The following CBLC variants were observed in gnomAD, a reference collection of about 807,000 sequenced individuals.
CBLC encodes the protein E3 ubiquitin-protein ligase CBL-C.
CBLC carries 46 observed loss-of-function variants against 58.6 expected under a neutral mutation model. The ratio of observed to expected loss-of-function variants is 0.79; its 90% CI spans 0.62 to 1.00. The LOEUF is 1.00. Ranked by LOEUF, CBLC falls within the 50% of genes least tolerant of loss-of-function variation. CBLC has a pLI of 0.00. For synonymous variants in CBLC, 271 were observed against 264.2 expected (o/e 1.03, Z -0.25); for missense variants, 655 against 625.8 (o/e 1.05, Z -0.50).
intron 4 of CBLC, 101 bp downstream of exon 4, chr19:44,782,592 A>ACCTCTGTTCCCACT: frequency 2.1e-6 from 2 of 965,714 alleles, no homozygotes; most frequent in Non-Finnish European, 3.2e-6. Flanking sequence ...AAGAGTGGGA[A>ACCTCTGTTCCCACT]CAGAGGTACC....
intron 9 of CBLC, among the ~76,000 whole-genome samples, chr19:44,797,467 T>C (rs1599875534): frequency 6.6e-6 from 1 of 151,944 alleles, no homozygotes. Flanking sequence ...GCCAGGCTGG[T>C]CTTGAACTCC....
At chr19:44,796,912 G>C (rs1026722967) in intron 9 of CBLC, among the ~76,000 whole-genome samples, 28 of 128,322 alleles carry the variant, frequency 2.2e-4, no homozygotes, top group Non-Finnish European at 2.5e-4. Context: ...GCGGGGCGGT[G>C]GGGGGGAGGG....
chr19:44,785,402 G>A (rs890463108), intron 5 of CBLC, among the ~76,000 whole-genome samples: 5 of 151,838 alleles, frequency 3.3e-5, no homozygotes, highest in Non-Finnish European at 7.4e-5. Flanking sequence ...CACTGTGCCC[G>A]GCCAGGAAGA....
At chr19:44,794,671 A>G (rs2889414) in intron 9 of CBLC, among the ~76,000 whole-genome samples, 65,716 of 150,846 alleles carry the variant, frequency 0.44, 15,679 homozygotes, top group African/African-American at 0.64. Context: ...CACCATGTTG[A>G]TCAGGCTGGT....
rs1271445448 is a variant in CBLC at position 44,794,707 on chromosome 19, C to G, written c.1362+426C>G. On this transcript the variant is annotated intron_variant, in intron 9 of 10. Coordinates refer to ENST00000647358, the MANE Select transcript of CBLC (RefSeq NM_012116.4). ...CTAGAACTCCTGACTTCATTATCTG[C>G]CCCCCTCAGCCTCCCACAGTGCGGG... Among the ~76,000 whole-genome samples the G allele has an allele frequency of 2.0e-5, 3 of 152,010 alleles. No homozygotes were observed. In the East Asian group the frequency reaches 5.8e-4, roughly 30 times the overall value.
chr19:44,783,321 A>T (rs553485222), intron 4 of CBLC, among the ~76,000 whole-genome samples: 1 of 152,322 alleles, frequency 6.6e-6, no homozygotes, highest in Non-Finnish European at 1.5e-5. Flanking sequence ...AGCCTGGCCA[A>T]CATAGTGAAA....
chr19:44,786,932 T>C (rs764377392), intron 5 of CBLC, among the ~76,000 whole-genome samples: 8 of 151,706 alleles, frequency 5.3e-5, no homozygotes, highest in Non-Finnish European at 1.0e-4. Flanking sequence ...TGGTGAAACC[T>C]GGTATCTAGC....
chr19:44,782,282 G>C, intron 3 of CBLC, 88 bp from the exon 4 acceptor site: 2 of 1,571,668 alleles, frequency 1.3e-6, no homozygotes, highest in Non-Finnish European at 1.7e-6. Context: ...TGTGAAGGAG[G>C]TGGTTGGATC....
chr19:44,786,605 AAAAG>A (rs1967915906), intron 5 of CBLC, among the ~76,000 whole-genome samples: 1 of 151,908 alleles, frequency 6.6e-6, no homozygotes, highest in Non-Finnish European at 1.5e-5. Context: ...AGAAAAAAAA[AAAAG>A]AAAAAAAGAA....
rs1568563845 is a variant in CBLC, at chr19:44,793,574, C to G, written c.1238C>G (p.Ser413Ter). 2.5e-6 allele frequency: 4 copies of G among 1,607,970 alleles called. No individual in the cohort carries two copies. Among genetic ancestry groups the G allele is most frequent in the Non-Finnish European group, 3.4e-6 (4 of 1,178,710 alleles). ...CACGGTCAGGCTACTGCTGAGGACT[C>G]AGGGAACAGCAGTGACCAGGAAGGC... ...QFHGQATAED[S>*]GNSSDQEGRE... The change falls in exon 8 of 11, where the codon TCA (serine) becomes TGA (stop). Residue 413 changes from serine (S) to a stop codon, truncating the protein, a stop_gained. Coordinates refer to ENST00000647358, the MANE Select transcript of CBLC (RefSeq NM_012116.4). LOFTEE classifies it high-confidence loss of function.
At chr19:44,784,818 G>A (rs1309504758) in intron 5 of CBLC, among the ~76,000 whole-genome samples, 3 of 151,850 alleles carry the variant, frequency 2.0e-5, no homozygotes, top group Non-Finnish European at 2.9e-5. Context: ...TTCCTGCCTC[G>A]GCCTCCCAAA....
At chr19:44,800,235 T>C in intron 9 of CBLC, 146 bp from the exon 10 acceptor site, 1 of 615,760 alleles carries the variant, frequency 1.6e-6, no homozygotes, top group South Asian at 2.0e-5. Flanking sequence ...GAATTAAGGC[T>C]GTGGCCTCAG....
In CBLC at chr19:44,780,874, G is replaced by C. The variant is rs778532554; in HGVS notation, c.354-31G>C. On this transcript the variant is annotated intron_variant, in intron 1 of 10. Transcript: ENST00000647358. ...AAGAGGGTGTCAGTGGGAGCCCCAA[G>C]GATAGCCAGAGTCCTTGCCCATCCC... is the stretch of plus-strand genomic sequence containing the variant. 5 of 1,604,044 alleles carry C rather than the reference G, an allele frequency of 3.1e-6. No individual in the cohort carries two copies. The South Asian group carries it at 4.4e-5, about 14-fold the overall frequency.
intron 6 of CBLC, among the ~76,000 whole-genome samples, chr19:44,790,881 C>G (rs149347774): frequency 2.0e-5 from 3 of 152,130 alleles, no homozygotes; most frequent in Admixed American, 6.6e-5. Context: ...AGGCCGAGGC[C>G]GGCAGATCAC....
intron 4 of CBLC, among the ~76,000 whole-genome samples, chr19:44,783,969 G>C (rs1313832481): frequency 6.6e-6 from 1 of 152,154 alleles, no homozygotes; most frequent in African/African-American, 2.4e-5. Flanking sequence ...TGTGGTCAGG[G>C]GTCCTGAAAT....
At chr19:44,787,724 A>G (rs1967947391) in intron 5 of CBLC, among the ~76,000 whole-genome samples, 1 of 149,864 alleles carries the variant, frequency 6.7e-6, no homozygotes, top group African/African-American at 2.5e-5. Flanking sequence ...GGGTGAGGCA[A>G]GAGAATTGCT....
At chr19:44,792,885 G>A (rs1189231206) in intron 7 of CBLC, among the ~76,000 whole-genome samples, 1 of 152,066 alleles carries the variant, frequency 6.6e-6, no homozygotes, top group Non-Finnish European at 1.5e-5. Context: ...GGTGGCTCAC[G>A]CCTGTAATCT....
Position 44,778,235 on chromosome 19 carries a change from G to T in CBLC, c.304G>T (p.Gly102Cys), listed in dbSNP as rs765456312. Residue 102 changes from glycine to cysteine, a missense_variant, in exon 1 of 11, where the codon GGC becomes TGC. Physicochemically the swap from Gly to Cys is radical, Grantham distance 159. Coordinates refer to ENST00000647358, the MANE Select transcript of CBLC (RefSeq NM_012116.4). ...RQVAALLPPR[G>C]RRSANDELFR... ...GGTGGCCGCGCTGCTGCCTCCCCGG[G>T]GCCGAAGGAGTGCCAACGACGAGCT... 33 of 1,458,586 alleles carry T rather than the reference G, an allele frequency of 2.3e-5. No homozygotes were observed. In the East Asian group the frequency reaches 6.4e-4, roughly 28 times the overall value. 90.4% of individuals were successfully genotyped at this position (1,458,586 alleles called of 1,614,324 possible). A position where few individuals can be genotyped will look rare whatever the true frequency, so the allele number is the denominator to read the frequency against.
At chr19:44,799,651 G>A (rs950487550) in intron 9 of CBLC, among the ~76,000 whole-genome samples, 30 of 143,912 alleles carry the variant, frequency 2.1e-4, no homozygotes, top group African/African-American at 7.8e-4. Flanking sequence ...TCGGTTTGTT[G>A]TTGTTGTTGT....
Sources: allele counts gnomAD v4.1 joint callset (sites outside exome capture counted in the v4.1 genomes callset), GRCh38; gene constraint gnomAD v4.1.1; transcripts MANE v1.5; gene names NCBI Gene and HGNC (gene_info 2026-07-23, HGNC 2026-07-21).